GALNT16: variants seen among roughly 807,000 people sequenced by gnomAD.
GALNT16 encodes the protein polypeptide N-acetylgalactosaminyltransferase 16.
In GALNT16, 40 loss-of-function variants were observed where a neutral mutation model predicts 76.1. The observed-to-expected ratio is 0.53, with a 90% confidence interval of 0.41 to 0.68. GALNT16 has a LOEUF of 0.68. GALNT16 is among the 30% of genes least tolerant of loss of function. The pLI, the probability that GALNT16 is intolerant of heterozygous loss-of-function variation, is 0.00. For missense variants in GALNT16, 621 were observed against 731.9 expected, an observed-to-expected ratio of 0.85 and a Z score of 1.75; for synonymous variants, 276 against 285.2, an observed-to-expected ratio of 0.97 and a Z score of 0.32.
At chr14:69,344,950 C>T (rs1224715894) in intron 12 of GALNT16, among the ~76,000 whole-genome samples, 1 of 152,186 alleles carries the variant, frequency 6.6e-6, no homozygotes, top group Non-Finnish European at 1.5e-5. Context: ...CAAATTCTTA[C>T]AGTGGTCAGG....
rs375331809 is a variant in GALNT16, at chr14:69,286,076, T to C, written c.177+25609T>C. Reference sequence around the variant, plus strand: ...TAACCAGCACCTGGCTGGCTTGCCTTTGGGTGAGGTGCCCAGCCTGGGCAA... The same window carrying C: ...TAACCAGCACCTGGCTGGCTTGCCTCTGGGTGAGGTGCCCAGCCTGGGCAA... On this transcript the variant is annotated intron_variant, in intron 1 of 14. Coordinates refer to ENST00000448469, the MANE Select transcript of GALNT16 (RefSeq NM_001168368.2). 3.2e-4 allele frequency among the ~76,000 whole-genome samples: 48 copies of C among 152,140 alleles called. No individual in the cohort carries two copies. The South Asian group carries it at 1.0e-2, about 32-fold the overall frequency.
At chr14:69,286,362 G>C (rs887866129) in intron 1 of GALNT16, among the ~76,000 whole-genome samples, 1 of 151,450 alleles carries the variant, frequency 6.6e-6, no homozygotes, top group African/African-American at 2.4e-5. Context: ...GAGTGCAATG[G>C]TGTGATCTCA....
At chr14:69,273,350 A>G (rs116193228) in intron 1 of GALNT16, among the ~76,000 whole-genome samples, 188 of 152,324 alleles carry the variant, frequency 1.2e-3, no homozygotes, top group African/African-American at 4.2e-3. Flanking sequence ...TACAGCCAGA[A>G]TGACAAGTAG....
chr14:69,275,038 T>C (rs1318662046), intron 1 of GALNT16, among the ~76,000 whole-genome samples: 10 of 152,216 alleles, frequency 6.6e-5, no homozygotes, highest in African/African-American at 2.4e-4. Context: ...TTAGTTCCCT[T>C]ATCTCTTCAA....
intron 1 of GALNT16, among the ~76,000 whole-genome samples, chr14:69,287,654 C>A (rs1049994012): frequency 1.3e-5 from 2 of 152,184 alleles, no homozygotes; most frequent in African/African-American, 2.4e-5. Flanking sequence ...TCAAGTCCAA[C>A]CTCCAGAGAG....
chr14:69,351,848 G>A (rs1454155082), intron 14 of GALNT16, 183 bp from the exon 15 acceptor site: 1 of 555,868 alleles, frequency 1.8e-6, no homozygotes, highest in Non-Finnish European at 3.1e-6. Context: ...GGAGTTCGAG[G>A]CTGCAGTGAG....
downstream of GALNT16, among the ~76,000 whole-genome samples, chr14:69,359,917 C>T (rs1473511651): frequency 2.0e-5 from 3 of 152,076 alleles, no homozygotes; most frequent in Non-Finnish European, 4.4e-5. Flanking sequence ...CCCAGCTACT[C>T]GGGAGGCTGA....
intron 6 of GALNT16, among the ~76,000 whole-genome samples, chr14:69,330,910 T>C (rs2140177923): frequency 6.6e-6 from 1 of 152,140 alleles, no homozygotes; most frequent in East Asian, 2.0e-4. Flanking sequence ...GAGTCTGACC[T>C]TGTAACAGTG....
At chr14:69,283,387 G>A (rs2044569525) in intron 1 of GALNT16, among the ~76,000 whole-genome samples, 2 of 152,130 alleles carry the variant, frequency 1.3e-5, no homozygotes, top group African/African-American at 2.4e-5. Flanking sequence ...GTATTGATAT[G>A]GCTGCAGTTT....
intron 1 of GALNT16, among the ~76,000 whole-genome samples, chr14:69,273,784 G>C (rs2044436301): frequency 6.6e-6 from 1 of 152,182 alleles, no homozygotes; most frequent in Non-Finnish European, 1.5e-5. Flanking sequence ...CTTGGCTCTG[G>C]TCTGGGCTCA....
chr14:69,375,971 C>T, the GALNT16 span, among the ~76,000 whole-genome samples: 10 of 151,504 alleles, frequency 6.6e-5, no homozygotes, highest in East Asian at 3.9e-4. Context: ...TTCAGTCTAC[C>T]GTCGACGTTA....
In GALNT16 at chr14:69,333,519, A is replaced by G. The variant is rs1219408121; in HGVS notation, c.886A>G (p.Ile296Val). The change falls in exon 9 of 15, where the codon ATC becomes GTC. Residue 296 changes from isoleucine (I) to valine (V), a missense_variant. By Grantham distance (29) the Ile-to-Val change is conservative. Coordinates refer to ENST00000448469, the MANE Select transcript of GALNT16 (RefSeq NM_001168368.2). This position sits in a 1 kb window ranked among gnomAD's most constrained non-coding sequence, Gnocchi z 4.2. ...PIRTPVIAGG[I>V]FVIDKSWFNH... ...CAGGACGCCTGTCATAGCTGGAGGAATCTTCGTGATCGACAAGTCCTGGTT... is the reference window on the plus strand; with the variant it reads ...CAGGACGCCTGTCATAGCTGGAGGAGTCTTCGTGATCGACAAGTCCTGGTT... 1 of 1,610,466 alleles carries G rather than the reference A, an allele frequency of 6.2e-7. No homozygotes were observed.
At chr14:69,326,227 A>G (rs544637963) in intron 5 of GALNT16, among the ~76,000 whole-genome samples, 200 bp downstream of exon 5, 20 of 152,336 alleles carry the variant, frequency 1.3e-4, no homozygotes, top group African/African-American at 4.3e-4. Context: ...AAGTTGCTCC[A>G]TCTCTGACTG....
intron 1 of GALNT16, among the ~76,000 whole-genome samples, chr14:69,284,117 C>T (rs961057502): frequency 4.3e-4 from 65 of 152,328 alleles, no homozygotes; most frequent in African/African-American, 1.5e-3. Context: ...TCTCCTAAGA[C>T]TAGACTCAAC....
chr14:69,305,133 T>C (rs890657424), intron 1 of GALNT16, among the ~76,000 whole-genome samples: 6 of 29,318 alleles, frequency 2.0e-4, no homozygotes, highest in African/African-American at 5.5e-4. Context: ...AACACTTGTC[T>C]TTTTTTTTTT....
At chr14:69,336,469 C>T (rs1290032914) in intron 9 of GALNT16, among the ~76,000 whole-genome samples, 2 of 152,254 alleles carry the variant, frequency 1.3e-5, no homozygotes, top group East Asian at 1.9e-4. Flanking sequence ...CTGCCCTTGC[C>T]GGCTCCTCTG....
chr14:69,375,422 A>C, the GALNT16 span, among the ~76,000 whole-genome samples: 1 of 151,650 alleles, frequency 6.6e-6, no homozygotes, highest in African/African-American at 2.4e-5. Flanking sequence ...GTCTAAATTT[A>C]CCATATTGCT....
intron 1 of GALNT16, among the ~76,000 whole-genome samples, chr14:69,289,455 C>G (rs750186442): frequency 6.6e-6 from 1 of 152,178 alleles, no homozygotes; most frequent in Non-Finnish European, 1.5e-5. Context: ...GGTTCAGACT[C>G]TACAAATCTC....
chr14:69,272,819 A>G (rs567979885), intron 1 of GALNT16, among the ~76,000 whole-genome samples: 1 of 152,346 alleles, frequency 6.6e-6, no homozygotes, highest in East Asian at 1.9e-4. Context: ...ATCGCCTACC[A>G]TTCAGGACAG....
Sources: gnomAD v4.1 joint callset for allele counts (sites outside exome capture counted in the v4.1 genomes callset) on GRCh38, gnomAD v4.1.1 for gene constraint, Gnocchi (gnomAD v3.1) non-coding constraint, MANE v1.5 for transcripts, NCBI Gene and HGNC (gene_info 2026-07-23, HGNC 2026-07-21) for gene names.